SEPTIN14: variants seen among roughly 807,000 people sequenced by gnomAD.
The protein encoded by SEPTIN14 is septin 14.
SEPTIN14 carries 40 observed loss-of-function variants against 53.6 expected under a neutral mutation model. The observed-to-expected ratio is 0.75, with a 90% CI of 0.58 to 0.97. The LOEUF is 0.97. SEPTIN14 is among the 50% of genes least tolerant of loss of function. The pLI, the probability that SEPTIN14 is intolerant of heterozygous loss-of-function variation, is 0.00. For synonymous variants in SEPTIN14, 138 were observed against 166.8 expected, an observed-to-expected ratio of 0.83 and a Z score of 1.33; for missense variants, 471 against 508.2, an observed-to-expected ratio of 0.93 and a Z score of 0.70.
rs576361531 is a variant in SEPTIN14 at position 55,807,100 on chromosome 7, G to T, written c.976C>A (p.Gln326Lys). The T allele has an allele frequency of 2.2e-5, 35 of 1,588,466 alleles. No homozygotes were observed. The African/African-American group carries it at 4.6e-4, about 21-fold the overall frequency. The change falls in exon 8 of 10, where the codon CAG becomes AAG. Residue 326 changes from glutamine to lysine, a missense_variant. Coordinates refer to ENST00000388975, the MANE Select transcript of SEPTIN14 (RefSeq NM_207366.3). ...MGFTDVGPNN[Q>K]PVSFQEIFEA... Reference sequence around the variant, plus strand: ...AATATTTTTACTCACCTAACTGGCTGGTTGTTTGGACCCACATCTGTAAAG... The same window carrying T: ...AATATTTTTACTCACCTAACTGGCTTGTTGTTTGGACCCACATCTGTAAAG...
intron 6 of SEPTIN14, among the ~76,000 whole-genome samples, chr7:55,830,238 G>A (rs1161561208): frequency 1.3e-5 from 2 of 148,380 alleles, no homozygotes; most frequent in Non-Finnish European, 3.0e-5. Flanking sequence ...TTACATGTAG[G>A]CTCAATCTTT....
At chr7:55,857,804 G>C (rs1385127791) in intron 2 of SEPTIN14, among the ~76,000 whole-genome samples, 3 of 150,956 alleles carry the variant, frequency 2.0e-5, no homozygotes, top group African/African-American at 7.4e-5. Flanking sequence ...AGCCAGGATG[G>C]TCTCGATCTC....
rs570819973 is a variant in SEPTIN14, at chr7:55,840,372, C to T, written c.558+2570G>A. ...GGTGTGGTGGTGGGCGCCTGTAATC[C>T]CAGCTACTCAGGAGGCTAAGATAGG... is the stretch of plus-strand genomic sequence containing the variant. On this transcript the variant is annotated intron_variant, in intron 5 of 9. Transcript: ENST00000388975. Among the ~76,000 whole-genome samples, 6 of 151,704 alleles carry T rather than the reference C, an allele frequency of 4.0e-5. No homozygotes were observed. The South Asian group carries it at 1.3e-3, about 32-fold the overall frequency.
rs1584246401 is a variant in SEPTIN14, at chr7:55,795,124, A to T, written c.*789T>A. 1 of 152,194 alleles carries T rather than the reference A, an allele frequency of 6.6e-6. No homozygotes were observed. 9.4% of individuals were successfully genotyped at this position (152,194 alleles called of 1,614,324 possible). ...CAAATTCCAACCTTTTATCATAAAA[A>T]CTGTCAAGAAATTATCAGTAGTAGA... is the stretch of plus-strand genomic sequence containing the variant. On this transcript the variant is annotated 3_prime_UTR_variant, in exon 10 of 10. Transcript: ENST00000388975.
At chr7:55,818,862 G>A (rs1467937644) in intron 7 of SEPTIN14, among the ~76,000 whole-genome samples, 3 of 152,164 alleles carry the variant, frequency 2.0e-5, no homozygotes, top group Non-Finnish European at 2.9e-5. Context: ...CATTGGGAGC[G>A]TTGGGATAGA....
rs919711659 is a variant in SEPTIN14, at chr7:55,845,539, T to C, written c.176-821A>G. Among the ~76,000 whole-genome samples, 5 of 151,908 alleles carry C rather than the reference T, an allele frequency of 3.3e-5. No homozygotes were observed. In the East Asian group the frequency reaches 7.7e-4, roughly 24 times the overall value. ...GTATATTTCAAAATAATCAAGAGAG[T>C]TAATTTCAAATGTCTCATCATAAAA... is the stretch of plus-strand genomic sequence containing the variant. On this transcript the variant is annotated intron_variant, in intron 3 of 9. Transcript: ENST00000388975.
chr7:55,812,272 T>C (rs777794779), intron 7 of SEPTIN14, among the ~76,000 whole-genome samples: 1 of 152,192 alleles, frequency 6.6e-6, no homozygotes, highest in Non-Finnish European at 1.5e-5. Flanking sequence ...TGAAATCCTG[T>C]CATGTGTAAA....
intron 8 of SEPTIN14, among the ~76,000 whole-genome samples, chr7:55,805,669 G>T (rs1788600175): frequency 6.6e-6 from 1 of 152,080 alleles, no homozygotes; most frequent in Non-Finnish European, 1.5e-5. Context: ...CATATCATAA[G>T]ATGTAAAAAC....
chr7:55,819,326 A>C (rs1788851367), intron 6 of SEPTIN14, 103 bp from the exon 7 acceptor site: 10 of 819,414 alleles, frequency 1.2e-5, no homozygotes, highest in Non-Finnish European at 1.8e-5. Context: ...GCGGTGGCTC[A>C]TGCCTGTAAT....
intron 5 of SEPTIN14, among the ~76,000 whole-genome samples, chr7:55,836,999 A>G (rs190113200): frequency 1.2e-3 from 177 of 152,038 alleles, no homozygotes; most frequent in African/African-American, 4.2e-3. Flanking sequence ...TTTAAGTTGA[A>G]GACAGCATGT....
At position 55,805,340 on chromosome 7, in the gene SEPTIN14, T is replaced by G; in HGVS notation, c.1037A>C (p.Gln346Pro). Residue 346 changes from glutamine to proline, a missense_variant, in exon 9 of 10, where the codon CAG (glutamine) becomes CCG (proline). By Grantham distance (76) the Gln-to-Pro change is moderately conservative. Transcript: ENST00000388975. The part of the protein sequence containing the change: ...AKRQEFYDQC[Q>P]REEEELKQRF... The stretch of plus-strand genomic sequence containing the variant: ...CTGTTTCAACTCTTCTTCTTCCCTC[T>G]GACATTGATCATAGAACTCTTGTCT... 6.2e-7 allele frequency: 1 copy of G among 1,604,126 alleles called. No homozygotes were observed. The highest frequency in any genetic ancestry group is 8.5e-7 in the Non-Finnish European group (1 of 1,174,076).
In SEPTIN14 at chr7:55,844,504, T is replaced by G. The variant is rs963745759; in HGVS notation, c.371+19A>C. The G allele has an allele frequency of 7.2e-7, 1 of 1,390,930 alleles. No homozygotes were observed. 86.2% of individuals were successfully genotyped at this position (1,390,930 alleles called of 1,614,324 possible). On this transcript the variant is annotated intron_variant, in intron 4 of 9. Transcript: ENST00000388975. Reference sequence around the variant, plus strand: ...TGAAATAAGAAAACCTTTTTTAATTTAAATAAGAAAACACTCACCTGGCTT... The same window carrying G: ...TGAAATAAGAAAACCTTTTTTAATTGAAATAAGAAAACACTCACCTGGCTT...
intron 9 of SEPTIN14, among the ~76,000 whole-genome samples, chr7:55,803,849 G>T (rs536683238): frequency 6.6e-6 from 1 of 151,834 alleles, no homozygotes; most frequent in Admixed American, 6.6e-5. Context: ...ATGAGGCCAG[G>T]CGCGATGGCT....
chr7:55,796,233 G>A, intron 9 of SEPTIN14, 141 bp from the exon 10 acceptor site: 1 of 632,932 alleles, frequency 1.6e-6, no homozygotes. Flanking sequence ...AAACTCAGGA[G>A]TAAACACTGA....
chr7:55,834,659 T>C, intron 5 of SEPTIN14, 73 bp from the exon 6 acceptor site: 1 of 1,305,370 alleles, frequency 7.7e-7, no homozygotes, highest in Non-Finnish European at 1.1e-6. Context: ...GTTTTTTGTT[T>C]TGAGACGGAG....
intron 6 of SEPTIN14, among the ~76,000 whole-genome samples, chr7:55,819,978 CA>C (rs1303390725): frequency 7.2e-5 from 11 of 151,768 alleles, no homozygotes; most frequent in African/African-American, 2.7e-4. Flanking sequence ...CTTTAATAAG[CA>C]ATACTGTATA....
intron 5 of SEPTIN14, among the ~76,000 whole-genome samples, chr7:55,838,140 C>T (rs530597185): frequency 1.3e-5 from 2 of 152,282 alleles, no homozygotes; most frequent in East Asian, 1.9e-4. Context: ...AACAGAGTCT[C>T]ATATCGATTT....
At chr7:55,825,576 G>A (rs1788968152) in intron 6 of SEPTIN14, among the ~76,000 whole-genome samples, 1 of 152,092 alleles carries the variant, frequency 6.6e-6, no homozygotes, top group Admixed American at 6.6e-5. Flanking sequence ...AATAATAGAA[G>A]AAAATCAAGG....
intron 2 of SEPTIN14, among the ~76,000 whole-genome samples, chr7:55,857,483 G>A (rs1338756479): frequency 2.3e-5 from 2 of 85,690 alleles, no homozygotes; most frequent in Non-Finnish European, 4.3e-5. Context: ...AGGAAGGGAG[G>A]GGAGGGGAGG....
Sources: allele counts gnomAD v4.1 joint callset (sites outside exome capture counted in the v4.1 genomes callset), GRCh38; gene constraint gnomAD v4.1.1; transcripts MANE v1.5; gene names NCBI Gene and HGNC (gene_info 2026-07-23, HGNC 2026-07-21).